The following MEF2A variants were observed in gnomAD, a reference collection of about 807,000 sequenced individuals.
MEF2A encodes myocyte-specific enhancer factor 2A.
MEF2A carries 28 observed loss-of-function variants against 55.8 expected under a neutral mutation model. The ratio of observed to expected loss-of-function variants is 0.50; its 90% CI spans 0.37 to 0.69. The LOEUF (loss-of-function observed/expected upper bound fraction) is 0.69. Ranked by LOEUF, MEF2A falls within the 30% of genes least tolerant of loss-of-function variation. MEF2A has a pLI of 0.00. For missense variants in MEF2A, 528 were observed against 626.2 expected (o/e 0.84, Z 1.67); for synonymous variants, 239 against 227.1 (o/e 1.05, Z -0.47).
chr15:99,587,528 G>T (rs1171520703), intron 1 of MEF2A, among the ~76,000 whole-genome samples: 2 of 152,072 alleles, frequency 1.3e-5, no homozygotes, highest in Non-Finnish European at 2.9e-5. Context: ...GATCATTTTA[G>T]GGAGAATCAG....
intron 7 of MEF2A, among the ~76,000 whole-genome samples, chr15:99,676,184 A>G (rs1160978765): frequency 6.6e-6 from 1 of 152,248 alleles, no homozygotes. Context: ...TATATCTGCC[A>G]CAGTATTAAA....
chr15:99,587,426 T>C (rs540417437), intron 1 of MEF2A, among the ~76,000 whole-genome samples: 4 of 152,314 alleles, frequency 2.6e-5, no homozygotes, highest in Non-Finnish European at 4.4e-5. Flanking sequence ...CTTTTAAAAA[T>C]TGTTCTGGCT....
intron 2 of MEF2A, among the ~76,000 whole-genome samples, chr15:99,601,805 TTTTGTGTGTGTG>T (rs1567200222): frequency 7.9e-6 from 1 of 127,080 alleles, no homozygotes; most frequent in Non-Finnish European, 1.6e-5. Context: ...TTTTTGTCTG[TTTTGTGTGTGTG>T]TGTGTGTGTG....
At chr15:99,639,596 G>A (rs1314623002) in intron 3 of MEF2A, among the ~76,000 whole-genome samples, 1 of 152,114 alleles carries the variant, frequency 6.6e-6, no homozygotes, top group Non-Finnish European at 1.5e-5. Context: ...AGTTTCAGAA[G>A]GAATTGCTAG....
chr15:99,642,103 A>G (rs2153461118), intron 3 of MEF2A, among the ~76,000 whole-genome samples: 1 of 152,176 alleles, frequency 6.6e-6, no homozygotes, highest in South Asian at 2.1e-4. Flanking sequence ...TTTATACTTG[A>G]AGTCTGACTT....
At chr15:99,580,386 C>T (rs1965580316) in intron 1 of MEF2A, among the ~76,000 whole-genome samples, 1 of 152,184 alleles carries the variant, frequency 6.6e-6, no homozygotes, top group Non-Finnish European at 1.5e-5. Context: ...ACTTGCACCA[C>T]TGTGGCAAGT....
At chr15:99,605,182 A>T (rs768853333) in intron 2 of MEF2A, among the ~76,000 whole-genome samples, 21 of 152,176 alleles carry the variant, frequency 1.4e-4, no homozygotes, top group Non-Finnish European at 2.6e-4. Context: ...TCCTGGCCTC[A>T]AGTGATCTGG....
At chr15:99,670,974 A>G (rs2050755778) in intron 4 of MEF2A, among the ~76,000 whole-genome samples, 1 of 152,194 alleles carries the variant, frequency 6.6e-6, no homozygotes, top group Non-Finnish European at 1.5e-5. Flanking sequence ...ATAGATTTCT[A>G]TCTTAGTTCT....
At chr15:99,593,540 A>G (rs556739051) in intron 1 of MEF2A, among the ~76,000 whole-genome samples, 20 of 152,300 alleles carry the variant, frequency 1.3e-4, no homozygotes, top group African/African-American at 4.6e-4. Context: ...ACCCGTTGCA[A>G]CTAATCCTAA....
chr15:99,572,807 T>A (rs757681684), intron 1 of MEF2A, among the ~76,000 whole-genome samples: 1 of 152,238 alleles, frequency 6.6e-6, no homozygotes, highest in Non-Finnish European at 1.5e-5. Context: ...GCACTATTTG[T>A]AGAGTAAATC....
chr15:99,698,562 G>A (rs2056863531), intron 8 of MEF2A, among the ~76,000 whole-genome samples: 1 of 152,166 alleles, frequency 6.6e-6, no homozygotes, highest in Non-Finnish European at 1.5e-5. Flanking sequence ...GGAGGCTGAG[G>A]CAGGCAGATA....
At chr15:99,680,393 T>G (rs934310506) in intron 7 of MEF2A, among the ~76,000 whole-genome samples, 1 of 152,206 alleles carries the variant, frequency 6.6e-6, no homozygotes, top group African/African-American at 2.4e-5. Flanking sequence ...CTATTAGCAC[T>G]TTTTATTGTG....
intron 2 of MEF2A, among the ~76,000 whole-genome samples, chr15:99,603,442 G>T (rs185173166): frequency 6.7e-6 from 1 of 149,328 alleles, no homozygotes; most frequent in East Asian, 2.0e-4. Flanking sequence ...GCGTGATCTT[G>T]CCTCACTACA....
intron 7 of MEF2A, among the ~76,000 whole-genome samples, chr15:99,688,364 A>G (rs2054705367): frequency 6.6e-6 from 1 of 152,248 alleles, no homozygotes; most frequent in Non-Finnish European, 1.5e-5. Context: ...ACAGACTACA[A>G]GCATGGTTTA....
At position 99,706,850 on chromosome 15, in the gene MEF2A, A is replaced by G. The variant is rs2153812563; in HGVS notation, c.1004A>G (p.Asn335Ser). 1 of 1,613,916 alleles carries G rather than the reference A, an allele frequency of 6.2e-7. No individual in the cohort carries two copies. The highest frequency in any genetic ancestry group is 2.2e-5 in the East Asian group (1 of 44,890). Residue 335 changes from asparagine (N) to serine (S), a missense_variant, in exon 10 of 12, where the codon AAC (asparagine) becomes AGC (serine). Asn to Ser is a conservative substitution (Grantham distance 46). This residue lies in a region of MEF2A where 450 missense variants were observed against 475.3 expected (regional missense o/e 0.95). Transcript: ENST00000557942. ...TACTCAGCAATGCCGACTGCCTACA[A>G]CACTGGTGAGCCTGCTCTGGTGCCT... ...LVYSAMPTAY[N>S]TDYSLTSADL...
At chr15:99,662,411 A>C (rs981847750) in intron 4 of MEF2A, among the ~76,000 whole-genome samples, 2 of 152,138 alleles carry the variant, frequency 1.3e-5, no homozygotes, top group Admixed American at 1.3e-4. Flanking sequence ...AACTTTTCTC[A>C]TTTTTAAAAT....
intron 2 of MEF2A, among the ~76,000 whole-genome samples, chr15:99,629,679 G>C (rs2042629223): frequency 6.6e-6 from 1 of 151,942 alleles, no homozygotes; most frequent in Non-Finnish European, 1.5e-5. Flanking sequence ...CCGGGGTGGG[G>C]GTACTATGAG....
At chr15:99,653,806 G>GTAAC (rs2047241975) in intron 4 of MEF2A, among the ~76,000 whole-genome samples, 1 of 152,066 alleles carries the variant, frequency 6.6e-6, no homozygotes. Context: ...TTTATCTCCT[G>GTAAC]TAACTCAGTG....
chr15:99,608,076 A>T (rs1975799080), intron 2 of MEF2A, among the ~76,000 whole-genome samples: 1 of 152,216 alleles, frequency 6.6e-6, no homozygotes, highest in African/African-American at 2.4e-5. Context: ...CCAGATAAAA[A>T]TTTTGAAGTT....
Sources: gnomAD v4.1 joint callset for allele counts (sites outside exome capture counted in the v4.1 genomes callset) on GRCh38, gnomAD v4.1.1 for gene constraint, gnomAD v4.1.1 regional missense constraint, MANE v1.5 for transcripts, NCBI Gene and HGNC (gene_info 2026-07-23, HGNC 2026-07-21) for gene names.